The following LATS2 variants were observed in gnomAD, a reference collection of about 807,000 sequenced individuals.
The protein encoded by LATS2 is serine/threonine-protein kinase LATS2.
A neutral mutation model predicts 76.0 loss-of-function variants in LATS2; 24 were observed. That is an observed-to-expected ratio of 0.32 (90% CI 0.23 to 0.44). The LOEUF is 0.44. Ranked by LOEUF, LATS2 falls within the 20% of genes least tolerant of loss-of-function variation. The pLI, the probability that LATS2 is intolerant of heterozygous loss-of-function variation, is 1.00. For synonymous variants in LATS2, 692 were observed against 635.4 expected (o/e 1.09, Z -1.34); for missense variants, 1,286 against 1,481.2 (o/e 0.87, Z 2.16).
At chr13:21,016,484 T>C (rs1871805572) in intron 2 of LATS2, among the ~76,000 whole-genome samples, 1 of 152,078 alleles carries the variant, frequency 6.6e-6, no homozygotes, top group Non-Finnish European at 1.5e-5. Context: ...TTCACTATGT[T>C]GGCCAAGCTG....
At chr13:20,985,905 G>T (rs945933135) in intron 4 of LATS2, among the ~76,000 whole-genome samples, 1 of 152,000 alleles carries the variant, frequency 6.6e-6, no homozygotes, top group East Asian at 1.9e-4. Context: ...CTAGCTGGGC[G>T]TGGTGGTGCA....
intron 7 of LATS2, 60 bp downstream of exon 7, chr13:20,979,631 T>C: frequency 4.6e-6 from 4 of 872,392 alleles, no homozygotes; most frequent in Non-Finnish European, 7.6e-6. Flanking sequence ...CAAAGATTCA[T>C]GGGTACATGA....
intron 2 of LATS2, among the ~76,000 whole-genome samples, chr13:21,008,700 G>A (rs145432416): frequency 8.7e-4 from 133 of 152,256 alleles, no homozygotes; most frequent in Middle Eastern, 3.4e-3. Context: ...GCAAGTGTTG[G>A]CAAAGTTAGA....
Position 20,979,769 on chromosome 13 carries a change from A to G in LATS2, c.2694T>C (p.Ser898=). The G allele has an allele frequency of 1.9e-6, 3 of 1,611,252 alleles. No homozygotes were observed. The highest frequency in any genetic ancestry group is 2.5e-6 in the Non-Finnish European group (3 of 1,177,980). Residue 898 remains serine, a synonymous_variant, in exon 7 of 8, where the codon AGT becomes AGC. Coordinates refer to ENST00000382592, the MANE Select transcript of LATS2 (RefSeq NM_014572.3). ...GCATCTCGAAGAGAATCACTCCAACACTCCACCAGTCACAGAGTTGAGTGT... is the reference window on the plus strand; with the variant it reads ...GCATCTCGAAGAGAATCACTCCAACGCTCCACCAGTCACAGAGTTGAGTGT... ...KGYTQLCDWW[S]VGVILFEMLV...
chr13:21,025,941 G>A (rs1356350243), intron 2 of LATS2, among the ~76,000 whole-genome samples: 1 of 152,144 alleles, frequency 6.6e-6, no homozygotes, highest in Non-Finnish European at 1.5e-5. Flanking sequence ...TTTGTTTAAA[G>A]TACAGCCTGG....
At chr13:21,029,865 G>A (rs2138377067) in intron 2 of LATS2, among the ~76,000 whole-genome samples, 1 of 151,738 alleles carries the variant, frequency 6.6e-6, no homozygotes, top group Non-Finnish European at 1.5e-5. Context: ...GGGAAGCCAG[G>A]GTGGGTGGAT....
At position 21,045,781 on chromosome 13, in the gene LATS2, A is replaced by G. The variant is rs138656676; in HGVS notation, c.246T>C (p.Tyr82=). ...ATTCATTAGCAAAAGGCAACAAGGA[A>G]TATCTGATTTCCCTCAAGGCTTTCT... ...PYQKALREIR[Y]SLLPFANESG... Residue 82 remains tyrosine, a synonymous_variant, in exon 2 of 8, where the codon TAT becomes TAC. Coordinates refer to ENST00000382592, the MANE Select transcript of LATS2 (RefSeq NM_014572.3). 5 of 1,614,230 alleles carry G rather than the reference A, an allele frequency of 3.1e-6. No individual in the cohort carries two copies. The highest frequency in any genetic ancestry group is 1.3e-5 in the African/African-American group (1 of 75,058).
rs1465559471 is a variant in LATS2 at position 20,988,295 on chromosome 13, G to A, written c.1485C>T (p.Gly495=). The A allele has an allele frequency of 3.2e-6, 5 of 1,576,814 alleles. No individual in the cohort carries two copies. Among genetic ancestry groups the A allele is most frequent in the Non-Finnish European group, 4.3e-6 (5 of 1,170,500 alleles). ...DAKEEHALAL[G]GAGAFPLDVE... ...CGTCCAGCGGGAAGGCGCCTGCGCC[G>A]CCCAGCGCCAGGGCATGCTCCTCCT... Residue 495 remains glycine, a synonymous_variant, in exon 4 of 8, where the codon GGC becomes GGT. Transcript: ENST00000382592.
intron 2 of LATS2, among the ~76,000 whole-genome samples, chr13:21,030,469 G>T (rs1472427033): frequency 6.6e-6 from 1 of 151,420 alleles, no homozygotes; most frequent in African/African-American, 2.4e-5. Context: ...GGCGCCTGTA[G>T]TCCCAGCTAC....
intron 2 of LATS2, among the ~76,000 whole-genome samples, chr13:21,044,689 GGTGTGTGTGTGTGTGTGT>G (rs71090554): frequency 3.6e-4 from 49 of 137,784 alleles, no homozygotes; most frequent in Admixed American, 1.8e-3. Context: ...GAGGTGTAGG[GGTGTGTGTGTGTGTGTGT>G]GTGTGTGTGT....
chr13:20,981,861 A>T (rs975289217), intron 5 of LATS2, among the ~76,000 whole-genome samples: 4 of 152,146 alleles, frequency 2.6e-5, no homozygotes, highest in Admixed American at 2.6e-4. Flanking sequence ...TGGCGCTAGC[A>T]CCAAGGTAGA....
At chr13:20,987,346 CATTTTA>C (rs1353661719) in intron 4 of LATS2, among the ~76,000 whole-genome samples, 1 of 152,168 alleles carries the variant, frequency 6.6e-6, no homozygotes, top group East Asian at 1.9e-4. Flanking sequence ...AAATCTGTTA[CATTTTA>C]ATTTAAATAG....
chr13:21,022,618 T>G (rs1872115388), intron 2 of LATS2, among the ~76,000 whole-genome samples: 1 of 152,164 alleles, frequency 6.6e-6, no homozygotes, highest in Admixed American at 6.5e-5. Flanking sequence ...GAGGAAAGCT[T>G]TTTGTTTATT....
In LATS2 at chr13:20,988,232, C is replaced by G. The variant is rs59928188; in HGVS notation, c.1548G>C (p.Pro516=). ...GCAGCAGCAGGTGCTTCGGGTAGGGCGGAGGCGGGCACCTCCGGTCTGGGC... is the reference window on the plus strand; with the variant it reads ...GCAGCAGCAGGTGCTTCGGGTAGGGGGGAGGCGGGCACCTCCGGTCTGGGC... The part of the protein sequence containing the change: ...YGGPDRRCPP[P]PYPKHLLLRS... Residue 516 remains proline (P), a synonymous_variant, in exon 4 of 8, where the codon CCG becomes CCC. Coordinates refer to ENST00000382592, the MANE Select transcript of LATS2 (RefSeq NM_014572.3). 6.2e-7 allele frequency: 1 copy of G among 1,605,396 alleles called. No individual in the cohort carries two copies. Among genetic ancestry groups the G allele is most frequent in the African/African-American group, 1.3e-5 (1 of 74,936 alleles).
At chr13:21,015,669 T>TA (rs1871768193) in intron 2 of LATS2, among the ~76,000 whole-genome samples, 1 of 152,220 alleles carries the variant, frequency 6.6e-6, no homozygotes, top group Non-Finnish European at 1.5e-5. Context: ...AAGCTCCATT[T>TA]ACCTCTTTAT....
intron 7 of LATS2, among the ~76,000 whole-genome samples, chr13:20,976,563 A>G (rs2138260696): frequency 6.6e-6 from 1 of 152,350 alleles, no homozygotes; most frequent in Middle Eastern, 3.4e-3. Context: ...TAGTACCCAG[A>G]GAAAATACAG....
At chr13:21,055,178 A>G (rs540274183) in intron 1 of LATS2, among the ~76,000 whole-genome samples, 38 of 152,248 alleles carry the variant, frequency 2.5e-4, no homozygotes, top group Non-Finnish European at 5.1e-4. Flanking sequence ...GAGAATACTC[A>G]TCAGTCAAGA....
chr13:21,019,313 A>C lies in LATS2; in HGVS notation c.342+26372T>G, dbSNP rs1245254588. Reference sequence around the variant, plus strand: ...ACTTGGATTTGTTATTATTATTATTATTATTATTATTATTATTATTATTAT... The same window carrying C: ...ACTTGGATTTGTTATTATTATTATTCTTATTATTATTATTATTATTATTAT... On this transcript the variant is annotated intron_variant, in intron 2 of 7. Coordinates refer to ENST00000382592, the MANE Select transcript of LATS2 (RefSeq NM_014572.3). Among the ~76,000 whole-genome samples the C allele has an allele frequency of 6.5e-3, 895 of 137,922 alleles. 16 individuals are homozygous for C. Among genetic ancestry groups the C allele is most frequent in the African/African-American group, 0.027 (846 of 31,810 alleles). 90.5% of individuals were successfully genotyped at this position (137,922 alleles called of 152,430 possible). A position where few individuals can be genotyped will look rare whatever the true frequency, so the allele number is the denominator to read the frequency against.
At position 20,973,094 on chromosome 13, in the gene LATS2, T is replaced by C. The variant is rs1289008778; in HGVS notation, c.*1776A>G. The stretch of plus-strand genomic sequence containing the variant: ...AGTAGAAGCTTTTCAAAGGTAATGA[T>C]ATATCAATAAATAATAGTTAAACTG... On this transcript the variant is annotated 3_prime_UTR_variant, in exon 8 of 8. Coordinates refer to ENST00000382592, the MANE Select transcript of LATS2 (RefSeq NM_014572.3). 5 of 229,018 alleles carry C rather than the reference T, an allele frequency of 2.2e-5. No individual in the cohort carries two copies. The highest frequency in any genetic ancestry group is 1.9e-4 in the East Asian group (3 of 15,926). 14.2% of individuals were successfully genotyped at this position (229,018 alleles called of 1,614,324 possible).
Sources: allele counts gnomAD v4.1 joint callset (sites outside exome capture counted in the v4.1 genomes callset), GRCh38; gene constraint gnomAD v4.1.1; transcripts MANE v1.5; gene names NCBI Gene and HGNC (gene_info 2026-07-23, HGNC 2026-07-21).